The following UBL3 variants were observed in gnomAD, a reference collection of about 807,000 sequenced individuals.
The protein encoded by UBL3 is ubiquitin-like protein 3.
In UBL3, 6 loss-of-function variants were observed where a neutral mutation model predicts 18.4. The ratio of observed to expected loss-of-function variants is 0.33; its 90% confidence interval spans 0.18 to 0.64. The LOEUF (loss-of-function observed/expected upper bound fraction) is 0.64, where lower values mean the gene tolerates loss of function less well. Among genes scored for constraint, UBL3 ranks in the 30% least tolerant of loss-of-function variants. The pLI is 0.76. For missense variants in UBL3, 109 were observed against 142.9 expected, an observed-to-expected ratio of 0.76 and a Z score of 1.21; for synonymous variants, 49 against 46.6, an observed-to-expected ratio of 1.05 and a Z score of -0.21.
chr13:29,799,125 G>A (rs1352948420), intron 1 of UBL3, among the ~76,000 whole-genome samples: 1 of 152,146 alleles, frequency 6.6e-6, no homozygotes, highest in Non-Finnish European at 1.5e-5. Flanking sequence ...GGGGGGAGCT[G>A]TTTTGTGCAT....
At chr13:29,827,232 G>A (rs572838436) in intron 1 of UBL3, among the ~76,000 whole-genome samples, 2 of 152,274 alleles carry the variant, frequency 1.3e-5, no homozygotes, top group Admixed American at 6.5e-5. Flanking sequence ...TCAATTCCTG[G>A]ATATCCTTGT....
intron 1 of UBL3, among the ~76,000 whole-genome samples, chr13:29,785,909 T>C (rs1194153254): frequency 6.6e-6 from 1 of 152,146 alleles, no homozygotes; most frequent in Non-Finnish European, 1.5e-5. Flanking sequence ...ATTTTAAAAA[T>C]AATAAAAAGG....
chr13:29,840,620 G>C (rs1255940741), intron 1 of UBL3, among the ~76,000 whole-genome samples: 1 of 152,012 alleles, frequency 6.6e-6, no homozygotes, highest in East Asian at 1.9e-4. Context: ...TTAAAAGCTA[G>C]GTTTATCCAG....
chr13:29,824,322 C>T (rs1023413879), intron 1 of UBL3, among the ~76,000 whole-genome samples: 2 of 152,200 alleles, frequency 1.3e-5, no homozygotes, highest in Non-Finnish European at 2.9e-5. Context: ...TACAGTCCCA[C>T]CAACACTGTA....
intron 1 of UBL3, among the ~76,000 whole-genome samples, chr13:29,793,682 G>A (rs1473227440): frequency 6.6e-6 from 1 of 152,078 alleles, no homozygotes; most frequent in Non-Finnish European, 1.5e-5. Context: ...ATATGTGAGG[G>A]ATGCCAGAAG....
intron 1 of UBL3, among the ~76,000 whole-genome samples, chr13:29,831,502 C>A (rs1441013772): frequency 6.6e-6 from 1 of 151,038 alleles, no homozygotes; most frequent in Non-Finnish European, 1.5e-5. Context: ...GCAGGAGAAT[C>A]GCTTGAACCA....
chr13:29,825,430 T>C (rs1878590646), intron 1 of UBL3, among the ~76,000 whole-genome samples: 2 of 152,182 alleles, frequency 1.3e-5, no homozygotes, highest in South Asian at 2.1e-4. Context: ...CCCTTGTAAG[T>C]TGGATTCCTA....
At chr13:29,847,867 C>G (rs982650502) in intron 1 of UBL3, among the ~76,000 whole-genome samples, 2 of 152,118 alleles carry the variant, frequency 1.3e-5, no homozygotes, top group African/African-American at 4.8e-5. Context: ...TCCAGCCGTA[C>G]TTAACCAGGC....
chr13:29,804,452 C>T (rs1225409920), intron 1 of UBL3, among the ~76,000 whole-genome samples: 2 of 151,668 alleles, frequency 1.3e-5, no homozygotes, highest in Admixed American at 1.3e-4. Context: ...CAAAACTAGC[C>T]GAAGACAAGA....
intron 1 of UBL3, among the ~76,000 whole-genome samples, chr13:29,845,496 A>G (rs1879207827): frequency 6.6e-6 from 1 of 151,976 alleles, no homozygotes; most frequent in Non-Finnish European, 1.5e-5. Flanking sequence ...ATACTTTTCT[A>G]TTTTCTGGAC....
intron 1 of UBL3, among the ~76,000 whole-genome samples, chr13:29,834,085 G>A (rs769133491): frequency 7.9e-5 from 12 of 151,900 alleles, no homozygotes; most frequent in Non-Finnish European, 1.3e-4. Context: ...TACTCAGGAG[G>A]CTGAGGCAGG....
rs188660323 is a variant in UBL3 at position 29,835,473 on chromosome 13, C to T, written c.27+14039G>A. 1.9e-3 allele frequency among the ~76,000 whole-genome samples: 288 copies of T among 150,898 alleles called. 2 individuals are homozygous for T. The highest frequency in any genetic ancestry group is 6.8e-3 in the African/African-American group (278 of 40,914). On this transcript the variant is annotated intron_variant, in intron 1 of 4. Coordinates refer to ENST00000380680, the MANE Select transcript of UBL3 (RefSeq NM_007106.4). Reference sequence around the variant, plus strand: ...TATCCAGGCCAGGTGCAGTGGCTCACGCCTGTAATCCTAGTAACTCCCAGT... The same window carrying T: ...TATCCAGGCCAGGTGCAGTGGCTCATGCCTGTAATCCTAGTAACTCCCAGT...
intron 1 of UBL3, among the ~76,000 whole-genome samples, chr13:29,782,957 T>C (rs1373533327): frequency 6.6e-6 from 1 of 152,232 alleles, no homozygotes; most frequent in Non-Finnish European, 1.5e-5. Context: ...CACATAGTAG[T>C]AGGTGCTCAG....
In UBL3 at chr13:29,810,661, A is replaced by G. The variant is rs569948133; in HGVS notation, c.28-33398T>C. On this transcript the variant is annotated intron_variant, in intron 1 of 4. Transcript: ENST00000380680. ...TTAATAACTAGTTAATATTCTACTAAGTGAAAATACAGGTATTTTTAGTGT... is the reference window on the plus strand; with the variant it reads ...TTAATAACTAGTTAATATTCTACTAGGTGAAAATACAGGTATTTTTAGTGT... Among the ~76,000 whole-genome samples the G allele has an allele frequency of 4.6e-5, 7 of 152,252 alleles. No homozygotes were observed. The East Asian group carries it at 1.3e-3, about 29-fold the overall frequency.
intron 1 of UBL3, among the ~76,000 whole-genome samples, chr13:29,833,160 A>G (rs1055228407): frequency 2.0e-5 from 3 of 152,240 alleles, no homozygotes; most frequent in African/African-American, 7.2e-5. Context: ...TGTGAGTGAT[A>G]GCCAGCCATT....
chr13:29,842,432 T>C (rs758915835), intron 1 of UBL3, among the ~76,000 whole-genome samples: 1 of 152,094 alleles, frequency 6.6e-6, no homozygotes, highest in Non-Finnish European at 1.5e-5. Context: ...ATGTTGGGAT[T>C]ACAGGTGTGA....
At chr13:29,805,290 T>G (rs1446105450) in intron 1 of UBL3, among the ~76,000 whole-genome samples, 1 of 152,250 alleles carries the variant, frequency 6.6e-6, no homozygotes, top group African/African-American at 2.4e-5. Flanking sequence ...AATTCTCTCT[T>G]GGGAATTCTG....
intron 1 of UBL3, among the ~76,000 whole-genome samples, chr13:29,817,891 G>A (rs1878325890): frequency 6.6e-6 from 1 of 152,142 alleles, no homozygotes; most frequent in Admixed American, 6.5e-5. Context: ...TTGATCCAGA[G>A]AATGTTTTAA....
chr13:29,770,633 C>T (rs549842239), intron 3 of UBL3, among the ~76,000 whole-genome samples: 4 of 151,958 alleles, frequency 2.6e-5, no homozygotes, highest in Admixed American at 6.6e-5. Context: ...CTCATATAAT[C>T]GATAGATTAA....
Sources: allele counts gnomAD v4.1 joint callset (sites outside exome capture counted in the v4.1 genomes callset), GRCh38; gene constraint gnomAD v4.1.1; transcripts MANE v1.5; gene names NCBI Gene and HGNC (gene_info 2026-07-23, HGNC 2026-07-21).